TNS4: variants seen among roughly 807,000 people sequenced by gnomAD.
TNS4 encodes the protein tensin 4.
Under a neutral mutation model 70.4 loss-of-function variants are expected in TNS4, and 46 were observed. The ratio of observed to expected loss-of-function variants is 0.65; its 90% confidence interval spans 0.52 to 0.84. The LOEUF (loss-of-function observed/expected upper bound fraction) is 0.84. TNS4 is among the 40% of genes least tolerant of loss of function. TNS4 has a pLI of 0.00. For missense variants in TNS4, 863 were observed against 907.0 expected, an observed-to-expected ratio of 0.95 and a Z score of 0.62; for synonymous variants, 390 against 366.6, an observed-to-expected ratio of 1.06 and a Z score of -0.73.
Position 40,479,620 on chromosome 17 carries a change from C to T in TNS4, c.1910+54G>A, listed in dbSNP as rs1388833071. On this transcript the variant is annotated intron_variant, in intron 10 of 12. Transcript: ENST00000254051. ...TGATCTGCAGCTGTCTCAGCTATCC[C>T]CTCCAGCTCTACTCCGCCAGCCCCG... 3 of 1,574,592 alleles carry T rather than the reference C, an allele frequency of 1.9e-6. No homozygotes were observed. In the East Asian group the frequency reaches 6.7e-5, roughly 35 times the overall value.
At chr17:40,479,899 T>G in intron 9 of TNS4, 57 bp from the exon 10 acceptor site, 1 of 1,533,940 alleles carries the variant, frequency 6.5e-7, no homozygotes, top group South Asian at 1.2e-5. Context: ...GTTCTCCCTC[T>G]GCCCAGGGCC....
At chr17:40,493,749 C>A (rs1415203099) in intron 2 of TNS4, among the ~76,000 whole-genome samples, 1 of 152,186 alleles carries the variant, frequency 6.6e-6, no homozygotes, top group Non-Finnish European at 1.5e-5. Context: ...TGGATGTGGA[C>A]CCATGCCATC....
In TNS4 at chr17:40,495,048, T is replaced by G. The variant is rs188674518; in HGVS notation, c.439+939A>C. Among the ~76,000 whole-genome samples, 83 of 152,192 alleles carry G rather than the reference T, an allele frequency of 5.5e-4. 2 individuals carry two copies. The highest frequency in any genetic ancestry group is 5.2e-3 in the Admixed American group (80 of 15,282). On this transcript the variant is annotated intron_variant, in intron 2 of 12. Transcript: ENST00000254051. ...ACTCGGTGGTGCCCTGGAATTGGCT[T>G]GTATCAGCTGGTTAAGAGCTGATTG... is the stretch of plus-strand genomic sequence containing the variant.
intron 10 of TNS4, among the ~76,000 whole-genome samples, chr17:40,478,981 C>A (rs2035886546): frequency 6.6e-6 from 1 of 152,162 alleles, no homozygotes; most frequent in Admixed American, 6.5e-5. Context: ...AAGTGCTCAG[C>A]CCTGGATCAG....
intron 1 of TNS4, among the ~76,000 whole-genome samples, chr17:40,498,780 C>T (rs950363018): frequency 6.6e-6 from 1 of 152,162 alleles, no homozygotes; most frequent in Non-Finnish European, 1.5e-5. Flanking sequence ...AACTCCTGGG[C>T]TCAAGTGCTC....
At chr17:40,484,672 G>T (rs1278694140) in intron 5 of TNS4, 63 bp from the exon 6 acceptor site, 59 of 1,597,684 alleles carry the variant, frequency 3.7e-5, no homozygotes, top group Non-Finnish European at 4.9e-5. Flanking sequence ...CCCCAGCCCC[G>T]TAGGGTCTTC....
At chr17:40,483,026 T>C (rs968213874) in intron 6 of TNS4, among the ~76,000 whole-genome samples, 10 of 151,756 alleles carry the variant, frequency 6.6e-5, no homozygotes, top group Non-Finnish European at 1.2e-4. Flanking sequence ...CTCGGCTTAC[T>C]GCAGCCTCAA....
intron 1 of TNS4, among the ~76,000 whole-genome samples, chr17:40,498,475 G>A (rs2036172147): frequency 6.6e-6 from 1 of 152,184 alleles, no homozygotes; most frequent in African/African-American, 2.4e-5. Context: ...CGCTGACCAT[G>A]TGCCAAATAG....
chr17:40,495,801 T>C (rs747832110), intron 2 of TNS4, among the ~76,000 whole-genome samples, 186 bp downstream of exon 2: 14 of 152,172 alleles, frequency 9.2e-5, no homozygotes, highest in Non-Finnish European at 1.5e-4. Context: ...TAGAATTGGC[T>C]AGTGAGGGAA....
intron 2 of TNS4, 88 bp downstream of exon 2, chr17:40,495,899 G>T: frequency 7.0e-7 from 1 of 1,428,328 alleles, no homozygotes; most frequent in Non-Finnish European, 9.4e-7. Flanking sequence ...ACAGGACAGG[G>T]TCCCCTTCTC....
In TNS4 at chr17:40,495,986, C is replaced by A. The variant is rs1395344554; in HGVS notation, c.439+1G>T. The stretch of plus-strand genomic sequence containing the variant: ...CCTGGTACTGTGCCCCAAATCCTTA[C>A]CCAAGGCTTCAGATTCCTCCTTCTT... On this transcript the variant is annotated splice_donor_variant, in intron 2 of 12. Transcript: ENST00000254051. LOFTEE classifies it high-confidence loss of function. 1.2e-6 allele frequency: 2 copies of A among 1,605,642 alleles called. No homozygotes were observed. The highest frequency in any genetic ancestry group is 1.7e-6 in the Non-Finnish European group (2 of 1,176,632).
chr17:40,491,292 G>T (rs1476767318), intron 2 of TNS4, among the ~76,000 whole-genome samples: 1 of 152,028 alleles, frequency 6.6e-6, no homozygotes. Flanking sequence ...GGTCTTTATT[G>T]AGTGCAATGT....
chr17:40,495,520 A>G (rs186698949), intron 2 of TNS4, among the ~76,000 whole-genome samples: 7 of 152,110 alleles, frequency 4.6e-5, no homozygotes, highest in Non-Finnish European at 8.8e-5. Flanking sequence ...AGATGCCCCA[A>G]TCCTACCATT....
At chr17:40,479,907 G>A in intron 9 of TNS4, 65 bp from the exon 10 acceptor site, 1 of 1,509,914 alleles carries the variant, frequency 6.6e-7, no homozygotes, top group Non-Finnish European at 8.9e-7. Flanking sequence ...TCTGCCCAGG[G>A]CCAGGGGAGG....
intron 2 of TNS4, among the ~76,000 whole-genome samples, chr17:40,489,597 C>T (rs1290296384): frequency 2.0e-5 from 3 of 152,078 alleles, no homozygotes. Flanking sequence ...CACCTGAGGT[C>T]AGGAGTTCAA....
At chr17:40,491,755 C>A (rs2036070627) in intron 2 of TNS4, among the ~76,000 whole-genome samples, 1 of 152,124 alleles carries the variant, frequency 6.6e-6, no homozygotes, top group East Asian at 1.9e-4. Flanking sequence ...GGTGCAGTCG[C>A]TGTTTACTGG....
At position 40,488,779 on chromosome 17, in the gene TNS4, C is replaced by T. The variant is rs780768373; in HGVS notation, c.630G>A (p.Gly210=). ...CTGAGGGGGGCAGAGGGCGCTGGTG[C>T]CCCCTGCCCTGGTTCCCAGAGAAGA... ...SLIFSGNQGR[G]HQRPLPPSEG... The change falls in exon 3 of 13, where the codon GGG becomes GGA. Residue 210 remains glycine (G), a synonymous_variant. Transcript: ENST00000254051. 6.2e-7 allele frequency: 1 copy of T among 1,610,094 alleles called. No homozygotes were observed. The highest frequency in any genetic ancestry group is 1.3e-5 in the African/African-American group (1 of 74,582).
At chr17:40,492,595 GTTT>G (rs1193528841) in intron 2 of TNS4, among the ~76,000 whole-genome samples, 3 of 126,750 alleles carry the variant, frequency 2.4e-5, no homozygotes, top group African/African-American at 8.5e-5. Context: ...ACATGGACTA[GTTT>G]TTTTTTTTTT....
rs1191155529 is a variant in TNS4 at position 40,496,058 on chromosome 17, G to C, written c.368C>G (p.Thr123Ser). The C allele has an allele frequency of 1.2e-6, 2 of 1,613,348 alleles. No individual in the cohort carries two copies. Among genetic ancestry groups the C allele is most frequent in the Non-Finnish European group, 1.7e-6 (2 of 1,179,802 alleles). ...DPTFQLLPPG[T>S]GGSQAELAQS... ...GGCCAGCTCAGCCTGGGAGCCCCCA[G>C]TCCCTGGGGGAAGCAGCTGGAAGGT... Residue 123 changes from threonine (T) to serine (S), a missense_variant, in exon 2 of 13, where the codon ACT becomes AGT. Coordinates refer to ENST00000254051, the MANE Select transcript of TNS4 (RefSeq NM_032865.6).
Sources: gnomAD v4.1 joint callset for allele counts (sites outside exome capture counted in the v4.1 genomes callset) on GRCh38, gnomAD v4.1.1 for gene constraint, MANE v1.5 for transcripts, NCBI Gene and HGNC (gene_info 2026-07-23, HGNC 2026-07-21) for gene names.